Variants in DDX60 observed in about 807,000 individuals in gnomAD.
The protein encoded by DDX60 is probable ATP-dependent RNA helicase DDX60.
A neutral mutation model predicts 212.8 loss-of-function variants in DDX60; 165 were observed. The ratio of observed to expected loss-of-function variants is 0.78; its 90% CI spans 0.68 to 0.88. DDX60 has a LOEUF of 0.88. Ranked by LOEUF, DDX60 falls within the 40% of genes least tolerant of loss-of-function variation. DDX60 has a pLI of 0.00. For synonymous variants in DDX60, 703 were observed against 685.3 expected, an observed-to-expected ratio of 1.03 and a Z score of -0.40; for missense variants, 1,905 against 2,003.9, an observed-to-expected ratio of 0.95 and a Z score of 0.94.
intron 8 of DDX60, among the ~76,000 whole-genome samples, chr4:168,291,373 A>G (rs1297892328): frequency 1.3e-5 from 2 of 152,208 alleles, no homozygotes; most frequent in Non-Finnish European, 2.9e-5. Flanking sequence ...AAGTATCCAA[A>G]TTGTCTCTAA....
the DDX60 span, among the ~76,000 whole-genome samples, chr4:168,325,170 G>A: frequency 0.57 from 86,184 of 151,974 alleles, 25,660 homozygotes; most frequent in East Asian, 0.76. Context: ...TTAAGAACAC[G>A]GCAAATAGGG....
chr4:168,304,318 A>T (rs537433750), intron 5 of DDX60, among the ~76,000 whole-genome samples: 1 of 152,158 alleles, frequency 6.6e-6, no homozygotes, highest in Non-Finnish European at 1.5e-5. Context: ...TGCCTAGGCT[A>T]ATGTGTGTGT....
At chr4:168,269,253 C>T (rs1384264636) in intron 19 of DDX60, among the ~76,000 whole-genome samples, 1 of 152,144 alleles carries the variant, frequency 6.6e-6, no homozygotes, top group Non-Finnish European at 1.5e-5. Flanking sequence ...ACCCACTTGA[C>T]TACTGTACTT....
upstream of DDX60, among the ~76,000 whole-genome samples, chr4:168,320,794 T>C (rs777372578): frequency 3.9e-5 from 6 of 152,248 alleles, no homozygotes; most frequent in Non-Finnish European, 7.3e-5. Context: ...AGGTGTGTAC[T>C]ATGATTTCTG....
intron 6 of DDX60, among the ~76,000 whole-genome samples, chr4:168,300,938 G>A (rs924081201): frequency 1.4e-4 from 21 of 152,042 alleles, no homozygotes; most frequent in African/African-American, 5.1e-4. Context: ...ATAGTCACGG[G>A]GGCTCCAAAA....
chr4:168,302,373 T>C lies in DDX60; in HGVS notation c.650A>G (p.Gln217Arg). ...TGCTGAAAGCTTAAATCTTTCCAACTGGTTAAGCAGGGTTGTATAAGCATC... is the reference window on the plus strand; with the variant it reads ...TGCTGAAAGCTTAAATCTTTCCAACCGGTTAAGCAGGGTTGTATAAGCATC... ...IKDAYTTLLN[Q>R]LERFKLSALA... Residue 217 changes from glutamine (Q) to arginine (R), a missense_variant, in exon 6 of 38, where the codon CAG becomes CGG. Coordinates refer to ENST00000393743, the MANE Select transcript of DDX60 (RefSeq NM_017631.6). The C allele has an allele frequency of 6.3e-7, 1 of 1,590,002 alleles. No homozygotes were observed. Among genetic ancestry groups the C allele is most frequent in the Non-Finnish European group, 8.6e-7 (1 of 1,168,846 alleles).
chr4:168,273,873 C>T, intron 17 of DDX60, 61 bp downstream of exon 17: 14 of 1,540,444 alleles, frequency 9.1e-6, no homozygotes, highest in Non-Finnish European at 1.2e-5. Context: ...TGACCATGTT[C>T]ATTATTTTTA....
chr4:168,290,161 T>C (rs1371089909), intron 8 of DDX60, among the ~76,000 whole-genome samples: 2 of 152,184 alleles, frequency 1.3e-5, no homozygotes, highest in Non-Finnish European at 2.9e-5. Context: ...CCTGCTGTGA[T>C]AGATGTATCT....
chr4:168,252,865 C>T (rs6826581), intron 26 of DDX60, among the ~76,000 whole-genome samples: 10,089 of 151,944 alleles, frequency 0.066, 1,050 homozygotes, highest in African/African-American at 0.23. Context: ...AGTGTAATGG[C>T]GTGATCTCAG....
In DDX60 at chr4:168,217,011, A is replaced by G; in HGVS notation, c.5061T>C (p.Cys1687=). 6.2e-7 allele frequency: 1 copy of G among 1,606,242 alleles called. No homozygotes were observed. ...AGACAACGTTGTCGTCTTCATTTTCACATAGCTCACGCAAGGAAACACTGG... is the reference window on the plus strand; with the variant it reads ...AGACAACGTTGTCGTCTTCATTTTCGCATAGCTCACGCAAGGAAACACTGG... ...KSISVSLREL[C]ENEDDNVVLA... is the part of the protein sequence containing the mutation. Residue 1687 remains cysteine, a synonymous_variant, in exon 38 of 38, where the codon TGT becomes TGC. Transcript: ENST00000393743.
At chr4:168,281,604 T>G (rs1735595672) in intron 13 of DDX60, among the ~76,000 whole-genome samples, 1 of 152,182 alleles carries the variant, frequency 6.6e-6, no homozygotes, top group Non-Finnish European at 1.5e-5. Flanking sequence ...CACTTCCAAT[T>G]AACTTAAACA....
chr4:168,295,524 C>G (rs1321220997), intron 6 of DDX60, among the ~76,000 whole-genome samples: 1 of 152,202 alleles, frequency 6.6e-6, no homozygotes, highest in Non-Finnish European at 1.5e-5. Context: ...TCCTGTATGT[C>G]ACTTTACATT....
Position 168,306,574 on chromosome 4 carries a change from C to G in DDX60, c.411G>C (p.Glu137Asp), listed in dbSNP as rs1226875625. 1 of 1,614,166 alleles carries G rather than the reference C, an allele frequency of 6.2e-7. No homozygotes were observed. The change falls in exon 5 of 38, where the codon GAG becomes GAC. Residue 137 changes from glutamate to aspartate, a missense_variant. Glu to Asp is a conservative substitution (Grantham distance 45). Coordinates refer to ENST00000393743, the MANE Select transcript of DDX60 (RefSeq NM_017631.6). The part of the protein sequence containing the change: ...LSKEWGSFLE[E>D]SYPYFLIVAD... ...CAACTATCAGGAAATATGGGTAACT[C>G]TCTTCCAAGAAACTTCCCCACTCTT...
intron 30 of DDX60, among the ~76,000 whole-genome samples, chr4:168,240,455 G>T (rs886814945): frequency 6.6e-6 from 1 of 152,060 alleles, no homozygotes; most frequent in African/African-American, 2.4e-5. Context: ...TTTCTACACA[G>T]ATTTAGAAAA....
chr4:168,254,314 A>G (rs1734326307), intron 26 of DDX60, among the ~76,000 whole-genome samples: 1 of 152,104 alleles, frequency 6.6e-6, no homozygotes, highest in African/African-American at 2.4e-5. Flanking sequence ...TTATTTTTAT[A>G]ACTTGAAGTC....
chr4:168,293,465 G>T (rs1254920325), intron 7 of DDX60, among the ~76,000 whole-genome samples: 1 of 152,086 alleles, frequency 6.6e-6, no homozygotes, highest in East Asian at 1.9e-4. Flanking sequence ...AGGATTTAAG[G>T]GCACAATGCA....
chr4:168,258,692 T>C (rs1015762799), intron 25 of DDX60, among the ~76,000 whole-genome samples: 7 of 152,198 alleles, frequency 4.6e-5, no homozygotes, highest in African/African-American at 1.4e-4. Context: ...TAAAATATTT[T>C]AAGTATGTGA....
At chr4:168,231,362 C>T (rs1446357972) in intron 33 of DDX60, among the ~76,000 whole-genome samples, 1 of 150,108 alleles carries the variant, frequency 6.7e-6, no homozygotes, top group East Asian at 2.0e-4. Context: ...TCTATGAAGC[C>T]AATATCATCT....
intron 12 of DDX60, among the ~76,000 whole-genome samples, chr4:168,283,890 G>A (rs1393336716): frequency 1.3e-5 from 2 of 152,100 alleles, no homozygotes; most frequent in African/African-American, 4.8e-5. Flanking sequence ...TGTGCCCTGT[G>A]AATTAGTTTA....
Sources: gnomAD v4.1 joint callset for allele counts (sites outside exome capture counted in the v4.1 genomes callset) on GRCh38, gnomAD v4.1.1 for gene constraint, MANE v1.5 for transcripts, NCBI Gene and HGNC (gene_info 2026-07-23, HGNC 2026-07-21) for gene names.